ADAMTSL1: variants seen among roughly 807,000 people sequenced by gnomAD.
ADAMTSL1 encodes the protein ADAMTS like 1.
Under a neutral mutation model 201.8 loss-of-function variants are expected in ADAMTSL1, and 126 were observed. That is an observed-to-expected ratio of 0.62 (90% CI 0.54 to 0.72). The LOEUF is 0.72. ADAMTSL1 is among the 30% of genes least tolerant of loss of function. The pLI is 0.00. For missense variants in ADAMTSL1, 2,679 were observed against 2,277.8 expected, an observed-to-expected ratio of 1.18 and a Z score of -3.59; for synonymous variants, 1,121 against 903.4, an observed-to-expected ratio of 1.24 and a Z score of -4.32.
At chr9:18,306,958 C>G (rs552509939) in intron 2 of ADAMTSL1, among the ~76,000 whole-genome samples, 1 of 152,190 alleles carries the variant, frequency 6.6e-6, no homozygotes, top group South Asian at 2.1e-4. Flanking sequence ...GGTTGGGTTA[C>G]CCACAAAGGG....
At chr9:18,619,412 G>GA (rs71304879) in intron 4 of ADAMTSL1, among the ~76,000 whole-genome samples, 5,839 of 146,670 alleles carry the variant, frequency 0.04, 156 homozygotes, top group East Asian at 0.15. Context: ...AGAAAAGGAA[G>GA]AAAAAAAAAA....
intron 2 of ADAMTSL1, among the ~76,000 whole-genome samples, chr9:18,511,885 A>G (rs1376237974): frequency 6.6e-6 from 1 of 152,180 alleles, no homozygotes; most frequent in Non-Finnish European, 1.5e-5. Flanking sequence ...CTATCATAAC[A>G]TCCAATTAAG....
rs138690652 is a variant in ADAMTSL1, at chr9:17,941,865, T to C, written c.87+34943T>C. Among the ~76,000 whole-genome samples the C allele has an allele frequency of 2.2e-3, 338 of 152,254 alleles. 2 individuals carry two copies. Among genetic ancestry groups the C allele is most frequent in the African/African-American group, 7.7e-3 (320 of 41,552 alleles). The stretch of plus-strand genomic sequence containing the variant: ...TGAGGTTTGATGAGGGTCTACTCCC[T>C]GCTTCATAGAAGGCTGGCTTCTCTG... On this transcript the variant is annotated intron_variant, in intron 1 of 29. Coordinates refer to the ADAMTSL1 transcript ENST00000680146.
At chr9:18,571,976 T>G (rs964338368) in intron 3 of ADAMTSL1, among the ~76,000 whole-genome samples, 10 of 152,164 alleles carry the variant, frequency 6.6e-5, no homozygotes, top group Admixed American at 5.2e-4. Flanking sequence ...GTGGATCACC[T>G]GAGGTCAGGA....
At chr9:18,723,421 CTCGTGGTCCCTAAACCCT>C in intron 15 of ADAMTSL1, 1 of 350,258 alleles carries the variant, frequency 2.9e-6, no homozygotes, top group Non-Finnish European at 5.4e-6. Context: ...ACTGCTGGGA[CTCGTGGTCCCTAAACCCT>C]TCTTTGAGCA....
chr9:18,517,007 G>A (rs1401906115), intron 2 of ADAMTSL1, among the ~76,000 whole-genome samples: 2 of 152,158 alleles, frequency 1.3e-5, no homozygotes, highest in Non-Finnish European at 2.9e-5. Flanking sequence ...CTAGCTCAAG[G>A]CTTGTATCAG....
intron 2 of ADAMTSL1, among the ~76,000 whole-genome samples, chr9:18,523,837 T>G (rs1181352590): frequency 2.2e-5 from 3 of 138,430 alleles, no homozygotes; most frequent in Admixed American, 7.9e-5. Context: ...CTGTTTTGGT[T>G]ACTGTAGCCT....
At chr9:18,724,408 A>C (rs953042211) in intron 15 of ADAMTSL1, among the ~76,000 whole-genome samples, 16 of 152,214 alleles carry the variant, frequency 1.1e-4, no homozygotes, top group Non-Finnish European at 2.2e-4. Context: ...ATTGTTTCAG[A>C]AGCACATGTC....
In ADAMTSL1 at chr9:18,908,638, T is replaced by TG; in HGVS notation, c.*90_*91insG. 2 of 1,075,146 alleles carry TG rather than the reference T, an allele frequency of 1.9e-6. No homozygotes were observed. The highest frequency in any genetic ancestry group is 4.1e-4 in the Middle Eastern group (2 of 4,824). 66.6% of individuals were successfully genotyped at this position (1,075,146 alleles called of 1,614,324 possible). A position where few individuals can be genotyped will look rare whatever the true frequency, so the allele number is the denominator to read the frequency against. On this transcript the variant is annotated 3_prime_UTR_variant, in exon 29 of 29. Transcript: ENST00000380548. ...GAACCTAAGCTTTCTTCATTTTATT[T>TG]ATTTATTTCCCCCTCCCCACTCCAC...
chr9:18,882,223 A>G (rs4977454), intron 23 of ADAMTSL1, among the ~76,000 whole-genome samples: 101,890 of 151,964 alleles, frequency 0.67, 34,285 homozygotes, highest in African/African-American at 0.73. Flanking sequence ...AGATTCCCTG[A>G]CAAATGTGCT....
chr9:18,077,416 T>C (rs1353612388), intron 1 of ADAMTSL1, among the ~76,000 whole-genome samples: 1 of 151,976 alleles, frequency 6.6e-6, no homozygotes, highest in Non-Finnish European at 1.5e-5. Flanking sequence ...AGCTAGAAAC[T>C]AAGGTGGAAA....
At chr9:18,458,800 C>A (rs1308858292) in intron 2 of ADAMTSL1, among the ~76,000 whole-genome samples, 1 of 152,082 alleles carries the variant, frequency 6.6e-6, no homozygotes, top group Non-Finnish European at 1.5e-5. Context: ...AAAGAAAACG[C>A]CAGAGTCATG....
intron 2 of ADAMTSL1, among the ~76,000 whole-genome samples, chr9:18,249,230 G>T (rs943859868): frequency 5.9e-5 from 9 of 152,124 alleles, no homozygotes; most frequent in Non-Finnish European, 1.2e-4. Context: ...GTATAGGTAG[G>T]ATATTATAAA....
intron 1 of ADAMTSL1, among the ~76,000 whole-genome samples, chr9:18,475,126 C>G (rs899987245): frequency 1.3e-5 from 2 of 152,150 alleles, no homozygotes; most frequent in Non-Finnish European, 2.9e-5. Context: ...TCTGGGCAGG[C>G]AGCTTAGTAA....
chr9:18,296,922 T>C (rs1356107250), intron 2 of ADAMTSL1, among the ~76,000 whole-genome samples: 1 of 152,192 alleles, frequency 6.6e-6, no homozygotes, highest in African/African-American at 2.4e-5. Flanking sequence ...TAAACAATAG[T>C]TGCTGGCAAA....
chr9:18,056,407 A>G (rs750442524), intron 1 of ADAMTSL1, among the ~76,000 whole-genome samples: 1 of 152,112 alleles, frequency 6.6e-6, no homozygotes, highest in African/African-American at 2.4e-5. Flanking sequence ...TTATGGCTCA[A>G]CCGGGGCTCT....
intron 2 of ADAMTSL1, among the ~76,000 whole-genome samples, chr9:18,333,418 T>C (rs7859867): frequency 0.084 from 12,777 of 152,224 alleles, 570 homozygotes; most frequent in African/African-American, 0.098. Flanking sequence ...CATTCCACTA[T>C]GATTGTAAGT....
At chr9:18,340,615 AG>A (rs1835429631) in intron 2 of ADAMTSL1, among the ~76,000 whole-genome samples, 1 of 152,104 alleles carries the variant, frequency 6.6e-6, no homozygotes, top group East Asian at 1.9e-4. Flanking sequence ...GTGTTGTGGG[AG>A]GGACCAGGTG....
intron 2 of ADAMTSL1, among the ~76,000 whole-genome samples, chr9:18,512,942 T>C (rs896792840): frequency 2.6e-5 from 4 of 152,226 alleles, no homozygotes; most frequent in African/African-American, 9.6e-5. Flanking sequence ...AAGAAAACTA[T>C]GTGATATTAA....
Sources: gnomAD v4.1 joint callset for allele counts (sites outside exome capture counted in the v4.1 genomes callset) on GRCh38, gnomAD v4.1.1 for gene constraint, MANE v1.5 for transcripts, NCBI Gene and HGNC (gene_info 2026-07-23, HGNC 2026-07-21) for gene names.